GRIP1: variants seen among roughly 807,000 people sequenced by gnomAD.
GRIP1 encodes glutamate receptor-interacting protein 1.
Under a neutral mutation model 129.9 loss-of-function variants are expected in GRIP1, and 45 were observed. The ratio of observed to expected loss-of-function variants is 0.35; its 90% CI spans 0.27 to 0.44. The LOEUF (loss-of-function observed/expected upper bound fraction) is 0.44. Among genes scored for constraint, GRIP1 ranks in the 20% least tolerant of loss-of-function variants. GRIP1 has a pLI of 1.00. For missense variants in GRIP1, 1,196 were observed against 1,396.8 expected (o/e 0.86, Z 2.29); for synonymous variants, 530 against 520.8 (o/e 1.02, Z -0.24).
At chr12:66,407,607 A>G (rs1431393934) in intron 15 of GRIP1, among the ~76,000 whole-genome samples, 1 of 152,180 alleles carries the variant, frequency 6.6e-6, no homozygotes, top group East Asian at 1.9e-4. Context: ...GGAAAGCAAC[A>G]CTGGGCAGAA....
At position 66,481,864 on chromosome 12, in the gene GRIP1, C is replaced by T. The variant is rs577434003; in HGVS notation, c.725-16442G>A. On this transcript the variant is annotated intron_variant, in intron 7 of 24. Coordinates refer to ENST00000359742, the MANE Select transcript of GRIP1 (RefSeq NM_001366722.1). ...AACACAGGAACAGGAAACCAAACACCGCACGTTCTCACTCATAAGTGGGAA... is the reference window on the plus strand; with the variant it reads ...AACACAGGAACAGGAAACCAAACACTGCACGTTCTCACTCATAAGTGGGAA... Among the ~76,000 whole-genome samples the T allele has an allele frequency of 1.3e-4, 20 of 151,922 alleles. No homozygotes were observed. The South Asian group carries it at 1.7e-3, about 13-fold the overall frequency.
Position 66,479,701 on chromosome 12 carries a change from A to T in GRIP1, c.725-14279T>A, listed in dbSNP as rs528889327. 1.7e-4 allele frequency among the ~76,000 whole-genome samples: 26 copies of T among 152,328 alleles called. 1 individual carries two copies. Among genetic ancestry groups the T allele is most frequent in the African/African-American group, 6.3e-4 (26 of 41,586 alleles). Reference sequence around the variant, plus strand: ...ACTCTGACAAACTTAATACAGCAGCACATCAAAAGCTTATCCACAATGATC... The same window carrying T: ...ACTCTGACAAACTTAATACAGCAGCTCATCAAAAGCTTATCCACAATGATC... On this transcript the variant is annotated intron_variant, in intron 7 of 24. Transcript: ENST00000359742.
chr12:66,549,126 G>T (rs1231703483), intron 2 of GRIP1, among the ~76,000 whole-genome samples: 1 of 152,188 alleles, frequency 6.6e-6, no homozygotes, highest in African/African-American at 2.4e-5. Flanking sequence ...CAACAAGAGT[G>T]TTTTTTCCCT....
At chr12:66,590,128 C>T (rs888733125) in intron 2 of GRIP1, among the ~76,000 whole-genome samples, 2 of 152,110 alleles carry the variant, frequency 1.3e-5, no homozygotes, top group Non-Finnish European at 2.9e-5. Context: ...AGAGTCACTC[C>T]GATACCACAT....
At chr12:66,672,131 G>A (rs1315482757) in intron 1 of GRIP1, among the ~76,000 whole-genome samples, 2 of 152,044 alleles carry the variant, frequency 1.3e-5, no homozygotes, top group African/African-American at 2.4e-5. Flanking sequence ...AAATCAATTT[G>A]TTTTCCTCCA....
rs75528883 is a variant in GRIP1, at chr12:67,015,703, G to A, written c.58+53347C>T. ...GATGGAGGCAGAGTGTAAACAATCC[G>A]GCTTAAGGGCTTCAACCATGTTGTG... On this transcript the variant is annotated intron_variant, in intron 1 of 1. Coordinates refer to the GRIP1 transcript ENST00000643019. Among the ~76,000 whole-genome samples the A allele has an allele frequency of 7.9e-5, 12 of 152,278 alleles. No homozygotes were observed. The East Asian group carries it at 1.5e-3, about 20-fold the overall frequency.
At chr12:66,428,270 A>T (rs940020120) in intron 14 of GRIP1, among the ~76,000 whole-genome samples, 1 of 152,188 alleles carries the variant, frequency 6.6e-6, no homozygotes, top group Admixed American at 6.5e-5. Flanking sequence ...AAAACAAGTT[A>T]ATTGATTTGA....
chr12:66,981,046 C>T (rs770426972), intron 1 of GRIP1, among the ~76,000 whole-genome samples: 1 of 152,152 alleles, frequency 6.6e-6, no homozygotes, highest in Non-Finnish European at 1.5e-5. Context: ...ATTTAAAAGG[C>T]CTTCTATTCC....
chr12:66,829,924 TC>T, intron 1 of GRIP1, among the ~76,000 whole-genome samples: 1 of 152,276 alleles, frequency 6.6e-6, no homozygotes, highest in East Asian at 1.9e-4. Flanking sequence ...AAACTGGGCC[TC>T]AGAGAGGGCA....
chr12:66,756,256 C>T (rs1313545808), intron 1 of GRIP1, among the ~76,000 whole-genome samples: 1 of 152,166 alleles, frequency 6.6e-6, no homozygotes, highest in African/African-American at 2.4e-5. Flanking sequence ...CTACTTTAGA[C>T]ACCTCACGTG....
At chr12:66,377,575 G>T (rs763550023) in intron 20 of GRIP1, among the ~76,000 whole-genome samples, 1 of 147,456 alleles carries the variant, frequency 6.8e-6, no homozygotes, top group Non-Finnish European at 1.5e-5. Flanking sequence ...TCCTGACTTC[G>T]TGATCCGCCC....
In GRIP1 at chr12:66,545,588, A is replaced by G. The variant is rs548563140; in HGVS notation, c.137-3638T>C. On this transcript the variant is annotated intron_variant, in intron 2 of 24. Transcript: ENST00000359742. ...CAACTTTAAAGTGCTTCTGAAGGAT[A>G]TAAGATTAGAATAAATGAAAAGGCA... 1.8e-3 allele frequency among the ~76,000 whole-genome samples: 275 copies of G among 152,348 alleles called. 1 individual carries two copies. The highest frequency in any genetic ancestry group is 6.2e-3 in the African/African-American group (257 of 41,586).
chr12:66,706,717 G>A (rs973829372), intron 1 of GRIP1, among the ~76,000 whole-genome samples: 2 of 152,072 alleles, frequency 1.3e-5, no homozygotes, highest in African/African-American at 4.8e-5. Context: ...CCTTTTGCAG[G>A]GACAGGGATG....
chr12:66,932,592 G>C (rs1191917238), intron 1 of GRIP1, among the ~76,000 whole-genome samples: 1 of 149,212 alleles, frequency 6.7e-6, no homozygotes, highest in East Asian at 1.9e-4. Flanking sequence ...CAGAAGGATA[G>C]GATTATTTAA....
At chr12:66,786,080 C>A (rs1430892885) in intron 1 of GRIP1, among the ~76,000 whole-genome samples, 4 of 152,044 alleles carry the variant, frequency 2.6e-5, no homozygotes, top group African/African-American at 9.7e-5. Context: ...AAGATCCTGT[C>A]ACACAAAAAA....
chr12:66,528,037 T>C (rs943670749), intron 5 of GRIP1, among the ~76,000 whole-genome samples: 5 of 152,082 alleles, frequency 3.3e-5, no homozygotes, highest in Non-Finnish European at 5.9e-5. Context: ...TGTCATCCTA[T>C]GAGTTGAGAG....
chr12:66,714,765 G>A (rs2035817918), intron 1 of GRIP1, among the ~76,000 whole-genome samples: 1 of 151,810 alleles, frequency 6.6e-6, no homozygotes, highest in African/African-American at 2.4e-5. Context: ...GGTGAATTCT[G>A]TTCAAATATT....
intron 1 of GRIP1, among the ~76,000 whole-genome samples, chr12:66,836,164 A>G (rs1319676431): frequency 6.6e-6 from 1 of 152,150 alleles, no homozygotes; most frequent in East Asian, 1.9e-4. Context: ...GTGTTTCAGG[A>G]TCTATGATAT....
intron 1 of GRIP1, among the ~76,000 whole-genome samples, chr12:66,791,962 C>T (rs2038551053): frequency 6.6e-6 from 1 of 152,106 alleles, no homozygotes. Context: ...ACAATGTTCT[C>T]ACATGTGGGG....
Sources: allele counts gnomAD v4.1 joint callset (sites outside exome capture counted in the v4.1 genomes callset), GRCh38; gene constraint gnomAD v4.1.1; transcripts MANE v1.5; gene names NCBI Gene and HGNC (gene_info 2026-07-23, HGNC 2026-07-21).